The following KRR1 variants were observed in gnomAD, a reference collection of about 807,000 sequenced individuals.
KRR1 encodes KRR1 small subunit processome component homolog.
In KRR1, 23 loss-of-function variants were observed where a neutral mutation model predicts 50.0. The observed-to-expected ratio is 0.46, with a 90% confidence interval of 0.33 to 0.65. The LOEUF is 0.65. KRR1 is among the 30% of genes least tolerant of loss of function. KRR1 has a pLI of 0.02. For synonymous variants in KRR1, 133 were observed against 146.3 expected, an observed-to-expected ratio of 0.91 and a Z score of 0.66; for missense variants, 419 against 442.4, an observed-to-expected ratio of 0.95 and a Z score of 0.47.
At chr12:75,502,089 A>G in intron 7 of KRR1, 89 bp from the exon 8 acceptor site, 1 of 1,014,932 alleles carries the variant, frequency 9.9e-7, no homozygotes, top group East Asian at 2.4e-5. Context: ...TAGGGTAAAA[A>G]CAATGGGGTC....
Position 75,511,506 on chromosome 12 carries a change from A to C in KRR1, c.85+7T>G. 1 of 1,609,356 alleles carries C rather than the reference A, an allele frequency of 6.2e-7. No homozygotes were observed. Among genetic ancestry groups the C allele is most frequent in the Non-Finnish European group, 8.5e-7 (1 of 1,179,224 alleles). ...AACCCCAGGCTTCGGTTCCCACATAACATCACCTTGGTTCTCCGGCTTCGG... is the reference window on the plus strand; with the variant it reads ...AACCCCAGGCTTCGGTTCCCACATACCATCACCTTGGTTCTCCGGCTTCGG... On this transcript the variant is annotated splice_region_variant and intron_variant, in intron 1 of 9. Coordinates refer to ENST00000229214, the MANE Select transcript of KRR1 (RefSeq NM_007043.7).
At position 75,501,771 on chromosome 12, in the gene KRR1, T is replaced by C; in HGVS notation, c.955A>G (p.Lys319Glu). The C allele has an allele frequency of 1.2e-6, 2 of 1,611,252 alleles. No individual in the cohort carries two copies. Among genetic ancestry groups the C allele is most frequent in the Non-Finnish European group, 1.7e-6 (2 of 1,178,486 alleles). Residue 319 changes from lysine to glutamate, a missense_variant, in exon 9 of 10, where the codon AAA becomes GAA. Coordinates refer to ENST00000229214, the MANE Select transcript of KRR1 (RefSeq NM_007043.7). ...AISKRQEERNKAFIPPKEKPI... is the reference protein window; with the variant it reads ...AISKRQEERNEAFIPPKEKPI... The stretch of plus-strand genomic sequence containing the variant: ...TTTTCCTTAGGTGGAATAAATGCTT[T>C]GTTTCTTTCCTCTTGTCTCTTACTG...
intron 7 of KRR1, chr12:75,503,067 G>A (rs1439556685): frequency 1.3e-5 from 2 of 152,150 alleles, no homozygotes; most frequent in African/African-American, 4.8e-5. Flanking sequence ...TATAGCCAAG[G>A]AAGGGAATAA....
At position 75,495,329 on chromosome 12, in the gene KRR1, C is replaced by T; in HGVS notation, c.*4480G>A. 1 of 364,858 alleles carries T rather than the reference C, an allele frequency of 2.7e-6. No individual in the cohort carries two copies. Among genetic ancestry groups the T allele is most frequent in the East Asian group, 4.4e-5 (1 of 22,706 alleles). The allele number at this position is 364,858 out of a possible 1,614,324, so 22.6% of individuals were successfully genotyped here. On this transcript the variant is annotated 3_prime_UTR_variant, in exon 10 of 10. Coordinates refer to ENST00000229214, the MANE Select transcript of KRR1 (RefSeq NM_007043.7). ...TCATCTGTAAAACAAGAATAACTTC[C>T]TCTCAGAGCTGTCACAATTAAATGG...
rs1169195299 is a variant in KRR1 at position 75,494,491 on chromosome 12, C to T, written c.*5318G>A. Reference sequence around the variant, plus strand: ...TCACTGCATTGAAACTAATAGCCCCCGGTAGATCTTAATAGAGAAGCACAT... The same window carrying T: ...TCACTGCATTGAAACTAATAGCCCCTGGTAGATCTTAATAGAGAAGCACAT... On this transcript the variant is annotated 3_prime_UTR_variant, in exon 10 of 10. Coordinates refer to ENST00000229214, the MANE Select transcript of KRR1 (RefSeq NM_007043.7). The T allele has an allele frequency of 2.0e-5, 3 of 152,188 alleles. No individual in the cohort carries two copies. The highest frequency in any genetic ancestry group is 4.4e-5 in the Non-Finnish European group (3 of 68,014). The allele number at this position is 152,188 out of a possible 1,614,324, so 9.4% of individuals were successfully genotyped here.
chr12:75,500,666 G>C (rs748041135), intron 9 of KRR1: 4 of 151,936 alleles, frequency 2.6e-5, no homozygotes, highest in Non-Finnish European at 5.9e-5. Flanking sequence ...AATGCCAAAA[G>C]TGTGAACAAA....
In KRR1 at chr12:75,492,676, T is replaced by C. The variant is rs1284435549; in HGVS notation, c.*7133A>G. ...ATAAACAATATTAAATTATAAAACT[T>C]ACAACCAAAGTTATAATGCTTCCAT... On this transcript the variant is annotated 3_prime_UTR_variant, in exon 10 of 10. Coordinates refer to ENST00000229214, the MANE Select transcript of KRR1 (RefSeq NM_007043.7). 2 of 152,242 alleles carry C rather than the reference T, an allele frequency of 1.3e-5. No individual in the cohort carries two copies. The highest frequency in any genetic ancestry group is 4.8e-5 in the African/African-American group (2 of 41,476). 9.4% of individuals were successfully genotyped at this position (152,242 alleles called of 1,614,324 possible). A position where few individuals can be genotyped will look rare whatever the true frequency, so the allele number is the denominator to read the frequency against.
In KRR1 at chr12:75,492,123, C is replaced by T. The variant is rs540567919; in HGVS notation, c.*7686G>A. 2.7e-5 allele frequency: 4 copies of T among 148,388 alleles called. No individual in the cohort carries two copies. The highest frequency in any genetic ancestry group is 4.2e-4 in the South Asian group (2 of 4,724). 9.2% of individuals were successfully genotyped at this position (148,388 alleles called of 1,614,324 possible). ...TTTTTTTGAGACAGGGTCTCTCACT[C>T]TGTCACCCAGGCTGGAGTACAGTGG... On this transcript the variant is annotated 3_prime_UTR_variant, in exon 10 of 10. Transcript: ENST00000229214.
At position 75,491,839 on chromosome 12, in the gene KRR1, AATG is replaced by A. The variant is rs1228536259; in HGVS notation, c.*7967_*7969del. 1 of 152,138 alleles carries A rather than the reference AATG, an allele frequency of 6.6e-6. No individual in the cohort carries two copies. Among genetic ancestry groups the A allele is most frequent in the East Asian group, 1.9e-4 (1 of 5,196 alleles). The allele number at this position is 152,138 out of a possible 1,614,324, so 9.4% of individuals were successfully genotyped here. ...GTTTTTAACCATTTGCAATATATAT[AATG>A]ATCTTTAATTTGTTGCCTTTGAATT... On this transcript the variant is annotated 3_prime_UTR_variant, in exon 10 of 10. Coordinates refer to ENST00000229214, the MANE Select transcript of KRR1 (RefSeq NM_007043.7).
At chr12:75,504,143 T>C (rs551345271) in intron 6 of KRR1, 69 bp from the exon 7 acceptor site, 5 of 1,064,302 alleles carry the variant, frequency 4.7e-6, no homozygotes, top group African/African-American at 3.2e-5. Flanking sequence ...TCAGACATTA[T>C]AAATATTGCT....
chr12:75,510,687 G>A (rs779867768), intron 1 of KRR1, among the ~76,000 whole-genome samples: 1 of 152,122 alleles, frequency 6.6e-6, no homozygotes, highest in Non-Finnish European at 1.5e-5. Context: ...GGGTTTGAGG[G>A]GTATGGTAAT....
chr12:75,497,528 C>T lies in KRR1; in HGVS notation c.*2281G>A, dbSNP rs1431923308. The T allele has an allele frequency of 6.6e-6, 1 of 152,116 alleles. No individual in the cohort carries two copies. Among genetic ancestry groups the T allele is most frequent in the Admixed American group, 6.6e-5 (1 of 15,252 alleles). 9.4% of individuals were successfully genotyped at this position (152,116 alleles called of 1,614,324 possible). A position where few individuals can be genotyped will look rare whatever the true frequency, so the allele number is the denominator to read the frequency against. ...TAATTTGTTTTCATGTAAGTTTAGG[C>T]TTACTTGAAAGTATTCTACTCTTCG... On this transcript the variant is annotated 3_prime_UTR_variant, in exon 10 of 10. Transcript: ENST00000229214.
intron 5 of KRR1, among the ~76,000 whole-genome samples, chr12:75,505,912 A>G (rs2120622079): frequency 6.6e-6 from 1 of 152,266 alleles, no homozygotes; most frequent in Middle Eastern, 3.4e-3. Context: ...CTTGAAGAAA[A>G]GTTTTCAGAG....
Position 75,495,588 on chromosome 12 carries a change from C to A in KRR1, c.*4221G>T. On this transcript the variant is annotated 3_prime_UTR_variant, in exon 10 of 10. Transcript: ENST00000229214. Reference sequence around the variant, plus strand: ...CTTCTGCTTTACAGAGGGAATTACCCAACTTGGCCATATAAGAGAGGAGCC... The same window carrying A: ...CTTCTGCTTTACAGAGGGAATTACCAAACTTGGCCATATAAGAGAGGAGCC... The A allele has an allele frequency of 1.2e-6, 2 of 1,601,822 alleles. No homozygotes were observed. The highest frequency in any genetic ancestry group is 1.1e-5 in the South Asian group (1 of 90,804).
intron 1 of KRR1, 75 bp downstream of exon 1, chr12:75,511,438 C>T: frequency 2.3e-6 from 3 of 1,325,634 alleles, no homozygotes; most frequent in Non-Finnish European, 3.3e-6. Flanking sequence ...TTTATAAGTC[C>T]ACGAGGAACG....
In KRR1 at chr12:75,491,939, TCTGA is replaced by T. The variant is rs888755194; in HGVS notation, c.*7866_*7869del. 84 of 152,288 alleles carry T rather than the reference TCTGA, an allele frequency of 5.5e-4. No individual in the cohort carries two copies. Among genetic ancestry groups the T allele is most frequent in the African/African-American group, 1.9e-3 (79 of 41,552 alleles). The allele number at this position is 152,288 out of a possible 1,614,324, so 9.4% of individuals were successfully genotyped here. A position where few individuals can be genotyped will look rare whatever the true frequency, so the allele number is the denominator to read the frequency against. ...AATGTGCAGAAGACATGCTCGATAC[TCTGA>T]CTGAGTGCTGTAGGTGTGAAGGAGG... is the stretch of plus-strand genomic sequence containing the variant. On this transcript the variant is annotated 3_prime_UTR_variant, in exon 10 of 10. Transcript: ENST00000229214.
At chr12:75,502,498 T>G (rs1209373175) in intron 7 of KRR1, 1 of 153,888 alleles carries the variant, frequency 6.5e-6, no homozygotes, top group East Asian at 1.9e-4. Context: ...AAGCAACAGC[T>G]TGTTCATTCA....
rs771224227 is a variant in KRR1, at chr12:75,508,267, C to T, written c.258+7G>A. ...CAAATAAATGTATTGATATAAGATA[C>T]ACATACATGTTCATTTAAGGCTTTC... On this transcript the variant is annotated splice_region_variant and intron_variant, in intron 2 of 9. Coordinates refer to ENST00000229214, the MANE Select transcript of KRR1 (RefSeq NM_007043.7). 6.3e-7 allele frequency: 1 copy of T among 1,585,036 alleles called. No individual in the cohort carries two copies. The highest frequency in any genetic ancestry group is 1.4e-5 in the African/African-American group (1 of 73,316).
At position 75,501,968 on chromosome 12, in the gene KRR1, A is replaced by C; in HGVS notation, c.864T>G (p.Phe288Leu). The change falls in exon 8 of 10, where the codon TTT (phenylalanine) becomes TTG (leucine). Residue 288 changes from phenylalanine to leucine, a missense_variant. Phe to Leu is a conservative substitution (Grantham distance 22). Transcript: ENST00000229214. ...GCCGCTTCTTCTGATTTGCCTTCAA[A>C]AAGTATTCACCACTAGCCAATTCTT... ...IDKELASGEY[F>L]LKANQKKRQK... 1 of 1,612,404 alleles carries C rather than the reference A, an allele frequency of 6.2e-7. No homozygotes were observed. The highest frequency in any genetic ancestry group is 8.5e-7 in the Non-Finnish European group (1 of 1,179,076).
Sources: allele counts gnomAD v4.1 joint callset (sites outside exome capture counted in the v4.1 genomes callset), GRCh38; gene constraint gnomAD v4.1.1; transcripts MANE v1.5; gene names NCBI Gene and HGNC (gene_info 2026-07-23, HGNC 2026-07-21).